Variants in FAM171B observed in about 807,000 individuals in gnomAD.
FAM171B encodes protein FAM171B.
FAM171B carries 19 observed loss-of-function variants against 75.6 expected under a neutral mutation model. The observed-to-expected ratio is 0.25, with a 90% CI of 0.18 to 0.37. The LOEUF (loss-of-function observed/expected upper bound fraction) is 0.37. Ranked by LOEUF, FAM171B falls within the 10% of genes least tolerant of loss-of-function variation. The pLI is 1.00. For missense variants in FAM171B, 848 were observed against 982.4 expected (o/e 0.86, Z 1.83); for synonymous variants, 367 against 361.7 (o/e 1.01, Z -0.17).
chr2:186,701,896 G>A (rs1348376852), intron 1 of FAM171B, among the ~76,000 whole-genome samples: 2 of 152,168 alleles, frequency 1.3e-5, no homozygotes, highest in Non-Finnish European at 2.9e-5. Flanking sequence ...TGTCTGACTA[G>A]GTTAGCTCTG....
intron 1 of FAM171B, among the ~76,000 whole-genome samples, chr2:186,711,866 G>T (rs1689813727): frequency 6.6e-6 from 1 of 151,922 alleles, no homozygotes; most frequent in South Asian, 2.1e-4. Flanking sequence ...AGGCTTTTTT[G>T]GTCCGTGATT....
intron 1 of FAM171B, among the ~76,000 whole-genome samples, chr2:186,730,937 C>A (rs556725349): frequency 1.6e-4 from 25 of 151,984 alleles, no homozygotes; most frequent in Non-Finnish European, 3.4e-4. Context: ...AACTTTGAAA[C>A]AAATGAATTA....
intron 1 of FAM171B, among the ~76,000 whole-genome samples, chr2:186,733,806 A>G (rs889530602): frequency 2.6e-5 from 4 of 152,178 alleles, no homozygotes; most frequent in African/African-American, 9.6e-5. Context: ...CTTCCGCTAC[A>G]GGCACTGGGG....
rs1690677833 is a variant in FAM171B at position 186,764,970 on chromosome 2, G to A, written c.*2147G>A. 6.6e-6 allele frequency: 1 copy of A among 151,816 alleles called. No homozygotes were observed. Among genetic ancestry groups the A allele is most frequent in the Non-Finnish European group, 1.5e-5 (1 of 67,866 alleles). The allele number at this position is 151,816 out of a possible 1,614,324, so 9.4% of individuals were successfully genotyped here. A position where few individuals can be genotyped will look rare whatever the true frequency, so the allele number is the denominator to read the frequency against. Reference sequence around the variant, plus strand: ...TATGCCACTTATTTTATTCATTTTTGTGTAAGGGAAATGAGATGATGTATC... The same window carrying A: ...TATGCCACTTATTTTATTCATTTTTATGTAAGGGAAATGAGATGATGTATC... On this transcript the variant is annotated 3_prime_UTR_variant, in exon 8 of 8. Coordinates refer to ENST00000304698, the MANE Select transcript of FAM171B (RefSeq NM_177454.4).
chr2:186,732,662 T>G (rs993629210), intron 1 of FAM171B, among the ~76,000 whole-genome samples: 1 of 152,212 alleles, frequency 6.6e-6, no homozygotes, highest in Non-Finnish European at 1.5e-5. Flanking sequence ...GCTTCCAGGG[T>G]TGCTTTACTT....
chr2:186,738,176 G>C (rs1287836782), intron 1 of FAM171B, among the ~76,000 whole-genome samples: 5 of 152,244 alleles, frequency 3.3e-5, no homozygotes, highest in African/African-American at 4.8e-5. Context: ...ATAGCTTGGA[G>C]AGTGGGAGCA....
intron 3 of FAM171B, among the ~76,000 whole-genome samples, chr2:186,745,074 C>T (rs1448868760): frequency 1.3e-5 from 2 of 152,162 alleles, no homozygotes; most frequent in African/African-American, 4.8e-5. Flanking sequence ...AAGCGATCCG[C>T]CCATCTCAGC....
chr2:186,694,181 G>A lies in FAM171B; in HGVS notation c.8G>A (p.Arg3Lys), dbSNP rs1689537701. MA[R>K]LCRRVPCTLL... ...GCCCTCTGGCTCTAGGCCATGGCGA[G>A]GCTCTGCCGGCGTGTCCCCTGCACC... The change falls in exon 1 of 8, where the codon AGG becomes AAG. Residue 3 changes from arginine (R) to lysine (K), a missense_variant. Physicochemically the swap from Arg to Lys is conservative, Grantham distance 26. Transcript: ENST00000304698. 6.3e-7 allele frequency: 1 copy of A among 1,597,968 alleles called. No individual in the cohort carries two copies. The highest frequency in any genetic ancestry group is 8.5e-7 in the Non-Finnish European group (1 of 1,177,230).
chr2:186,699,848 C>T (rs1381775471), intron 1 of FAM171B, among the ~76,000 whole-genome samples: 1 of 152,060 alleles, frequency 6.6e-6, no homozygotes, highest in Admixed American at 6.6e-5. Flanking sequence ...TAAGGATATC[C>T]AGTTTTCCCA....
At chr2:186,733,975 C>A (rs148070750) in intron 1 of FAM171B, among the ~76,000 whole-genome samples, 322 of 152,286 alleles carry the variant, frequency 2.1e-3, no homozygotes, top group Non-Finnish European at 3.3e-3. Flanking sequence ...AGTAGAGGGG[C>A]ATATTTCAGC....
intron 4 of FAM171B, among the ~76,000 whole-genome samples, chr2:186,750,670 G>A (rs1292365737): frequency 6.6e-6 from 1 of 152,092 alleles, no homozygotes; most frequent in Non-Finnish European, 1.5e-5. Context: ...CTTTTAATCT[G>A]AATGCTTTTT....
At position 186,743,512 on chromosome 2, in the gene FAM171B, C is replaced by T; in HGVS notation, c.502C>T (p.Pro168Ser). Residue 168 changes from proline to serine, a missense_variant, in exon 3 of 8, where the codon CCG (proline) becomes TCG (serine). Pro to Ser is a moderately conservative substitution (Grantham distance 74). Coordinates refer to ENST00000304698, the MANE Select transcript of FAM171B (RefSeq NM_177454.4). ...IYSSVTLSLF[P>S]QSQANIWLFE... ...TTCATCAGTTACACTTTCACTGTTC[C>T]CGCAAAGCCAAGCAAATATATGGCT... 1 of 1,612,744 alleles carries T rather than the reference C, an allele frequency of 6.2e-7. No homozygotes were observed. The highest frequency in any genetic ancestry group is 1.1e-5 in the South Asian group (1 of 90,992).
intron 5 of FAM171B, among the ~76,000 whole-genome samples, chr2:186,752,728 ATAGAT>A (rs1200059842): frequency 1.3e-5 from 2 of 152,236 alleles, no homozygotes; most frequent in Non-Finnish European, 2.9e-5. Flanking sequence ...TTTAAAAGCA[ATAGAT>A]TAAATTATTC....
At chr2:186,709,985 A>T (rs1689787898) in intron 1 of FAM171B, among the ~76,000 whole-genome samples, 1 of 152,136 alleles carries the variant, frequency 6.6e-6, no homozygotes, top group Admixed American at 6.6e-5. Context: ...CTAGAGATTC[A>T]CTCATAGCAA....
intron 6 of FAM171B, among the ~76,000 whole-genome samples, chr2:186,755,248 A>G (rs1326968647): frequency 6.6e-6 from 1 of 152,154 alleles, no homozygotes; most frequent in Non-Finnish European, 1.5e-5. Context: ...ATGTGTTGGC[A>G]TAAAATCAAA....
At chr2:186,710,325 C>T (rs1349664669) in intron 1 of FAM171B, among the ~76,000 whole-genome samples, 1 of 152,140 alleles carries the variant, frequency 6.6e-6, no homozygotes, top group Admixed American at 6.6e-5. Context: ...GAGATTATGC[C>T]ACTTGCACCA....
chr2:186,751,344 A>G, intron 5 of FAM171B, 40 bp downstream of exon 5: 6 of 1,456,790 alleles, frequency 4.1e-6, no homozygotes, highest in Non-Finnish European at 5.5e-6. Flanking sequence ...TATTTTACAT[A>G]TTTGTCAATT....
intron 1 of FAM171B, among the ~76,000 whole-genome samples, chr2:186,725,904 G>A (rs576966678): frequency 6.6e-6 from 1 of 152,326 alleles, no homozygotes; most frequent in South Asian, 2.1e-4. Context: ...ATCTGTTTTA[G>A]GAGCTTGGGA....
At chr2:186,731,856 G>A (rs1277706091) in intron 1 of FAM171B, among the ~76,000 whole-genome samples, 1 of 152,078 alleles carries the variant, frequency 6.6e-6, no homozygotes. Flanking sequence ...ATTTTGAACT[G>A]AGCATGTGAG....
Sources: gnomAD v4.1 joint callset for allele counts (sites outside exome capture counted in the v4.1 genomes callset) on GRCh38, gnomAD v4.1.1 for gene constraint, MANE v1.5 for transcripts, NCBI Gene and HGNC (gene_info 2026-07-23, HGNC 2026-07-21) for gene names.